Variants in ITFG1 observed in about 807,000 individuals in gnomAD.
The protein encoded by ITFG1 is integrin alpha FG-GAP repeat containing 1, also known as T-cell immunomodulatory protein.
ITFG1 carries 34 observed loss-of-function variants against 81.8 expected under a neutral mutation model. That is an observed-to-expected ratio of 0.42 (90% CI 0.32 to 0.55). The LOEUF (loss-of-function observed/expected upper bound fraction) is 0.55, where lower values mean the gene tolerates loss of function less well. Among genes scored for constraint, ITFG1 ranks in the 20% least tolerant of loss-of-function variants. The pLI, the probability that ITFG1 is intolerant of heterozygous loss-of-function variation, is 0.17. For synonymous variants in ITFG1, 285 were observed against 270.6 expected (o/e 1.05, Z -0.52); for missense variants, 672 against 755.4 (o/e 0.89, Z 1.29).
intron 12 of ITFG1, chr16:47,238,319 C>T: frequency 5.4e-6 from 1 of 184,302 alleles, no homozygotes; most frequent in Non-Finnish European, 1.1e-5. Context: ...AGCTAAATTC[C>T]AAGGATGACT....
At chr16:47,453,382 C>A (rs956950518) in intron 3 of ITFG1, among the ~76,000 whole-genome samples, 1 of 152,166 alleles carries the variant, frequency 6.6e-6, no homozygotes, top group Non-Finnish European at 1.5e-5. Flanking sequence ...TCGAACCATA[C>A]TTCAACTTTT....
intron 14 of ITFG1, among the ~76,000 whole-genome samples, chr16:47,172,905 G>GTGTA (rs1180848745): frequency 1.3e-5 from 2 of 152,062 alleles, no homozygotes; most frequent in Non-Finnish European, 2.9e-5. Flanking sequence ...GTCCTACTTA[G>GTGTA]TGTACACTCT....
intron 7 of ITFG1, among the ~76,000 whole-genome samples, chr16:47,372,914 T>C (rs1441352711): frequency 1.3e-5 from 2 of 152,230 alleles, no homozygotes; most frequent in Non-Finnish European, 2.9e-5. Flanking sequence ...AAATTTACTA[T>C]AAACTTTAAT....
intron 10 of ITFG1, among the ~76,000 whole-genome samples, chr16:47,308,203 TG>T (rs1199721645): frequency 6.6e-6 from 1 of 152,208 alleles, no homozygotes; most frequent in Non-Finnish European, 1.5e-5. Context: ...TCTAAGTTCT[TG>T]GAAAAATCTC....
intron 5 of ITFG1, among the ~76,000 whole-genome samples, chr16:47,447,696 T>C (rs1436113458): frequency 6.6e-6 from 1 of 152,090 alleles, no homozygotes; most frequent in African/African-American, 2.4e-5. Context: ...GGAAATAAAA[T>C]TATAGACCCT....
At chr16:47,349,466 C>G (rs897026797) in intron 8 of ITFG1, among the ~76,000 whole-genome samples, 1 of 152,076 alleles carries the variant, frequency 6.6e-6, no homozygotes. Flanking sequence ...ACAAAGAACA[C>G]CATTACATAA....
At chr16:47,240,966 T>C (rs1361809572) in intron 12 of ITFG1, among the ~76,000 whole-genome samples, 1 of 151,866 alleles carries the variant, frequency 6.6e-6, no homozygotes, top group Non-Finnish European at 1.5e-5. Flanking sequence ...TTCACAACAA[T>C]GCAAATATAC....
At chr16:47,411,518 C>T (rs1968810860) in intron 6 of ITFG1, among the ~76,000 whole-genome samples, 1 of 152,144 alleles carries the variant, frequency 6.6e-6, no homozygotes, top group Admixed American at 6.5e-5. Flanking sequence ...AAATAACGCC[C>T]TGCCCAGAGG....
intron 11 of ITFG1, among the ~76,000 whole-genome samples, chr16:47,259,696 G>A (rs1596842354): frequency 6.6e-6 from 1 of 152,218 alleles, no homozygotes; most frequent in Admixed American, 6.5e-5. Context: ...CATTAATTCT[G>A]GAATTTAACA....
At chr16:47,358,582 CAAAAG>C (rs1968070476) in intron 8 of ITFG1, among the ~76,000 whole-genome samples, 1 of 152,044 alleles carries the variant, frequency 6.6e-6, no homozygotes, top group Non-Finnish European at 1.5e-5. Flanking sequence ...TCAAAATAAG[CAAAAG>C]TAATGATATG....
At position 47,198,886 on chromosome 16, in the gene ITFG1, G is replaced by C. The variant is rs115283585; in HGVS notation, c.1453+19982C>G. On this transcript the variant is annotated intron_variant, in intron 14 of 17. Transcript: ENST00000320640. The stretch of plus-strand genomic sequence containing the variant: ...GTTTTAAGCTAAGTTATTACAAAAG[G>C]GTCAAAAAACTAAAAAAATTAAAAG... 3.1e-3 allele frequency among the ~76,000 whole-genome samples: 467 copies of C among 152,160 alleles called. 2 individuals carry two copies. Among genetic ancestry groups the C allele is most frequent in the African/African-American group, 0.011 (441 of 41,506 alleles).
intron 8 of ITFG1, among the ~76,000 whole-genome samples, chr16:47,338,911 T>C (rs1967745254): frequency 6.6e-6 from 1 of 152,212 alleles, no homozygotes; most frequent in Non-Finnish European, 1.5e-5. Context: ...TATTCATTCT[T>C]TCTATTTGTT....
Position 47,452,722 on chromosome 16 carries a change from C to A in ITFG1, c.485+11G>T. On this transcript the variant is annotated intron_variant, in intron 4 of 17. Transcript: ENST00000320640. ...TTAAAATCGTTTCAAAGGAAGCAAG[C>A]CCATACTTACTCCATAATTAGTGGC... 1.3e-6 allele frequency: 2 copies of A among 1,560,842 alleles called. No homozygotes were observed. The highest frequency in any genetic ancestry group is 1.2e-5 in the South Asian group (1 of 85,710).
At chr16:47,459,365 T>C (rs1304599388) in intron 1 of ITFG1, among the ~76,000 whole-genome samples, 190 bp from the exon 2 acceptor site, 2 of 152,152 alleles carry the variant, frequency 1.3e-5, no homozygotes, top group Non-Finnish European at 2.9e-5. Context: ...AGTTCAATGT[T>C]CAAAGTAGCA....
chr16:47,321,481 T>A (rs529225911), intron 8 of ITFG1, among the ~76,000 whole-genome samples: 1 of 152,340 alleles, frequency 6.6e-6, no homozygotes, highest in East Asian at 1.9e-4. Context: ...CAGTGAAGAA[T>A]ATAACTTTAT....
intron 14 of ITFG1, among the ~76,000 whole-genome samples, chr16:47,195,810 T>A (rs1197023908): frequency 6.6e-6 from 1 of 152,172 alleles, no homozygotes; most frequent in Non-Finnish European, 1.5e-5. Flanking sequence ...TACATAGGTA[T>A]ACGTGTGCCA....
chr16:47,338,563 A>C (rs1251826780), intron 8 of ITFG1, among the ~76,000 whole-genome samples: 1 of 152,196 alleles, frequency 6.6e-6, no homozygotes, highest in African/African-American at 2.4e-5. Flanking sequence ...CAAAGAACAA[A>C]AAATTTATAG....
At chr16:47,378,918 G>A (rs1968360924) in intron 6 of ITFG1, among the ~76,000 whole-genome samples, 1 of 152,120 alleles carries the variant, frequency 6.6e-6, no homozygotes, top group South Asian at 2.1e-4. Context: ...ATAAAATTAA[G>A]GAAATGTACT....
At position 47,452,751 on chromosome 16, in the gene ITFG1, T is replaced by A. The variant is rs1202317287; in HGVS notation, c.467A>T (p.Asp156Val). Residue 156 changes from aspartate to valine, a missense_variant, in exon 4 of 18, where the codon GAT becomes GTT. Coordinates refer to ENST00000320640, the MANE Select transcript of ITFG1 (RefSeq NM_030790.5). Reference sequence around the variant, plus strand: ...TACTTACTCCATAATTAGTGGCTCATCTTGAAAAGTCCTATTGAGTATGGT... The same window carrying A: ...TACTTACTCCATAATTAGTGGCTCAACTTGAAAAGTCCTATTGAGTATGGT... Reference protein sequence around the residue: ...NMTILNRTFQDEPLIMDFNGD... With the variant: ...NMTILNRTFQVEPLIMDFNGD... The A allele has an allele frequency of 6.3e-7, 1 of 1,590,214 alleles. No individual in the cohort carries two copies.
Sources: gnomAD v4.1 joint callset for allele counts (sites outside exome capture counted in the v4.1 genomes callset) on GRCh38, gnomAD v4.1.1 for gene constraint, MANE v1.5 for transcripts, NCBI Gene and HGNC (gene_info 2026-07-23, HGNC 2026-07-21) for gene names.